Variants in RRM2 observed in about 807,000 individuals in gnomAD.
RRM2 encodes ribonucleoside-diphosphate reductase subunit M2.
Under a neutral mutation model 45.9 loss-of-function variants are expected in RRM2, and 6 were observed. That is an observed-to-expected ratio of 0.13 (90% CI 0.07 to 0.26). The LOEUF (loss-of-function observed/expected upper bound fraction) is 0.26. Among genes scored for constraint, RRM2 ranks in the 10% least tolerant of loss-of-function variants. RRM2 has a pLI of 1.00. For synonymous variants in RRM2, 177 were observed against 173.0 expected (o/e 1.02, Z -0.18); for missense variants, 343 against 489.5 (o/e 0.70, Z 2.82).
chr2:10,184,091 T>TAAAAAAAAAAAAA lies in RRM2; in HGVS notation n.483-26203_483-26191dup, dbSNP rs60421650. Among the ~76,000 whole-genome samples, 10 of 30,686 alleles carry TAAAAAAAAAAAAA rather than the reference T, an allele frequency of 3.3e-4. 1 individual carries two copies. Among genetic ancestry groups the TAAAAAAAAAAAAA allele is most frequent in the South Asian group, 1.9e-3 (1 of 536 alleles). 20.1% of individuals were successfully genotyped at this position (30,686 alleles called of 152,430 possible). A position where few individuals can be genotyped will look rare whatever the true frequency, so the allele number is the denominator to read the frequency against. Reference sequence around the variant, plus strand: ...CTGGGTGACAGAGCGAGACTCCATCTAAAAAAAAAAAAAAAAAAAAAAAAA... The same window carrying TAAAAAAAAAAAAA: ...CTGGGTGACAGAGCGAGACTCCATCTAAAAAAAAAAAAAAAAAAAAAAAAAAAAAAAAAAAAAA... On this transcript the variant is annotated intron_variant and non_coding_transcript_variant, in intron 3 of 3. Transcript: ENST00000381786.
At chr2:10,122,691 AG>A, upstream of RRM2, 1 of 1,550,782 alleles carries the variant, frequency 6.4e-7, no homozygotes, top group Non-Finnish European at 8.7e-7. Context: ...AAGGGCCGGG[AG>A]CGCGCGGCGC....
chr2:10,123,378 C>A lies in RRM2; in HGVS notation c.175-9C>A. 3 of 1,601,150 alleles carry A rather than the reference C, an allele frequency of 1.9e-6. No homozygotes were observed. The highest frequency in any genetic ancestry group is 2.2e-5 in the South Asian group (2 of 90,304). ...CGGTACTTAAATGTTTTATTTTCTC[C>A]CCCAACAGAAAACTAAAGCAGCTGC... On this transcript the variant is annotated splice_polypyrimidine_tract_variant and intron_variant, in intron 2 of 9. Transcript: ENST00000304567.
chr2:10,150,174 G>A (rs528282800), intron 3 of RRM2, among the ~76,000 whole-genome samples: 3 of 152,298 alleles, frequency 2.0e-5, no homozygotes, highest in Admixed American at 1.3e-4. Flanking sequence ...TTAGCCGGGC[G>A]TGGTGGTGCA....
rs745642885 is a variant in RRM2 at position 10,123,425 on chromosome 2, G to A, written c.213G>A (p.Pro71=). ...KAAAPGVEDE[P]LLRENPRRFV... is the part of the protein sequence containing the mutation. The stretch of plus-strand genomic sequence containing the variant: ...CTGCCCCCGGCGTGGAGGATGAGCC[G>A]CTGCTGAGAGAAAACCCCCGCCGCT... The change falls in exon 3 of 10, where the codon CCG becomes CCA. Residue 71 remains proline, a synonymous_variant. Coordinates refer to ENST00000304567, the MANE Select transcript of RRM2 (RefSeq NM_001034.4). 14 of 1,614,124 alleles carry A rather than the reference G, an allele frequency of 8.7e-6. No homozygotes were observed. In the East Asian group the frequency reaches 3.1e-4, roughly 36 times the overall value.
intron 3 of RRM2, among the ~76,000 whole-genome samples, chr2:10,157,098 G>A (rs1335038607): frequency 1.0e-4 from 13 of 129,418 alleles, no homozygotes; most frequent in African/African-American, 3.3e-4. Context: ...GCGCAATCTC[G>A]GCTCACTGCA....
upstream of RRM2, chr2:10,122,728 A>AG: frequency 6.4e-7 from 1 of 1,551,854 alleles, no homozygotes; most frequent in Non-Finnish European, 8.7e-7. Context: ...TGCTGGAGTG[A>AG]GGGGTCGCCC....
chr2:10,184,324 C>G (rs1299509322), intron 3 of RRM2, among the ~76,000 whole-genome samples: 1 of 152,162 alleles, frequency 6.6e-6, no homozygotes, highest in Non-Finnish European at 1.5e-5. Context: ...GCTGGGAAAT[C>G]AAAACAAAAC....
chr2:10,129,185 G>T lies in RRM2; in HGVS notation c.1017+31G>T. 1.2e-6 allele frequency: 2 copies of T among 1,613,992 alleles called. No individual in the cohort carries two copies. The highest frequency in any genetic ancestry group is 2.2e-5 in the South Asian group (2 of 91,072). On this transcript the variant is annotated intron_variant, in intron 9 of 9. Coordinates refer to ENST00000304567, the MANE Select transcript of RRM2 (RefSeq NM_001034.4). This position sits in a 1 kb window ranked among gnomAD's most constrained non-coding sequence, Gnocchi z 4.8. Reference sequence around the variant, plus strand: ...GTATTGTTTACATAGCCTTTTGCTTGTTTTGAAGCTGGTGCTCTGTATTTA... The same window carrying T: ...GTATTGTTTACATAGCCTTTTGCTTTTTTTGAAGCTGGTGCTCTGTATTTA...
chr2:10,148,240 C>T (rs1231225203), intron 3 of RRM2, among the ~76,000 whole-genome samples: 2 of 146,754 alleles, frequency 1.4e-5, no homozygotes, highest in African/African-American at 2.5e-5. Flanking sequence ...TGTATCATTT[C>T]TAAATTCATG....
chr2:10,173,879 C>T (rs1405647411), intron 3 of RRM2, among the ~76,000 whole-genome samples: 7 of 152,158 alleles, frequency 4.6e-5, no homozygotes, highest in East Asian at 1.9e-4. Flanking sequence ...GCTGGGTGGC[C>T]GAGTGGCGAT....
At chr2:10,210,532 C>A in exon 4 of RRM2, 9 of 1,367,320 alleles carry the variant, frequency 6.6e-6, no homozygotes, top group Non-Finnish European at 7.8e-6. Flanking sequence ...TATCCTTTCA[C>A]TGGACTCCAC....
chr2:10,178,998 A>G (rs1257095619), intron 3 of RRM2, among the ~76,000 whole-genome samples: 1 of 152,148 alleles, frequency 6.6e-6, no homozygotes, highest in Admixed American at 6.5e-5. Flanking sequence ...GCTGTGAGCA[A>G]TAAGTTTCTG....
At chr2:10,165,823 G>C (rs1192708825) in intron 3 of RRM2, among the ~76,000 whole-genome samples, 1 of 152,248 alleles carries the variant, frequency 6.6e-6, no homozygotes, top group African/African-American at 2.4e-5. Flanking sequence ...AAGTGCAGGG[G>C]TCCAGGGCCT....
At position 10,180,768 on chromosome 2, in the gene RRM2, TA is replaced by T. The variant is rs1215132463; in HGVS notation, n.483-29542del. Among the ~76,000 whole-genome samples the T allele has an allele frequency of 1.4e-4, 21 of 152,260 alleles. No homozygotes were observed. The East Asian group carries it at 2.5e-3, about 18-fold the overall frequency. On this transcript the variant is annotated intron_variant and non_coding_transcript_variant, in intron 3 of 3. Coordinates refer to the RRM2 transcript ENST00000381786. ...AACACTTTATTTTTATTTATTTATT[TA>T]TTTATTTTTTTGAGATGAGACGGAG...
At chr2:10,123,613 AG>A (rs1171889514) in intron 3 of RRM2, 83 bp downstream of exon 3, 2 of 1,538,156 alleles carry the variant, frequency 1.3e-6, no homozygotes, top group East Asian at 2.3e-5. Context: ...CCCGTTGGCA[AG>A]GGGGGCTAAC....
intron 3 of RRM2, among the ~76,000 whole-genome samples, chr2:10,203,907 A>T: frequency 6.6e-6 from 1 of 151,794 alleles, no homozygotes; most frequent in East Asian, 1.9e-4. Flanking sequence ...TGGGCTGATG[A>T]CACAAAGACT....
chr2:10,196,154 G>A (rs758766160), intron 3 of RRM2, among the ~76,000 whole-genome samples: 5 of 152,272 alleles, frequency 3.3e-5, no homozygotes, highest in Middle Eastern at 3.4e-3. Flanking sequence ...AAGACCCTGC[G>A]GCACTGCAGA....
chr2:10,178,225 T>C (rs78204898), intron 3 of RRM2, among the ~76,000 whole-genome samples: 632 of 8,592 alleles, frequency 0.074, 5 homozygotes, highest in Admixed American at 0.11. Flanking sequence ...CGTGCAGGCT[T>C]TTTTTTTTTT....
At chr2:10,124,484 CAT>C (rs1388733233) in intron 4 of RRM2, among the ~76,000 whole-genome samples, 6 of 152,122 alleles carry the variant, frequency 3.9e-5, no homozygotes, top group Admixed American at 2.0e-4. Flanking sequence ...TCTTTCTTGA[CAT>C]AAATTAATTA....
Sources: allele counts gnomAD v4.1 joint callset (sites outside exome capture counted in the v4.1 genomes callset), GRCh38; gene constraint gnomAD v4.1.1; non-coding constraint Gnocchi (gnomAD v3.1); transcripts MANE v1.5; gene names NCBI Gene and HGNC (gene_info 2026-07-23, HGNC 2026-07-21).